ZNRF1: variants seen among roughly 807,000 people sequenced by gnomAD.
ZNRF1 encodes E3 ubiquitin-protein ligase ZNRF1.
A neutral mutation model predicts 18.4 loss-of-function variants in ZNRF1; 3 were observed. That is an observed-to-expected ratio of 0.16 (90% confidence interval 0.07 to 0.42). The LOEUF is 0.42. Ranked by LOEUF, ZNRF1 falls within the 10% of genes least tolerant of loss-of-function variation. The pLI is 0.99. For synonymous variants in ZNRF1, 157 were observed against 144.2 expected (o/e 1.09, Z -0.64); for missense variants, 310 against 329.8 (o/e 0.94, Z 0.47).
At chr16:75,034,094 G>A (rs2035344864) in intron 1 of ZNRF1, among the ~76,000 whole-genome samples, 1 of 152,160 alleles carries the variant, frequency 6.6e-6, no homozygotes, top group African/African-American at 2.4e-5. Context: ...GGAGGCGGAG[G>A]TTGCAGTGAG....
intron 3 of ZNRF1, chr16:75,106,245 C>T (rs2036314616): frequency 5.6e-6 from 3 of 531,356 alleles, no homozygotes; most frequent in Non-Finnish European, 1.0e-5. Context: ...TCCTGCAGCA[C>T]CAGATCCCCC....
At chr16:75,026,895 AC>A (rs1026681725) in intron 1 of ZNRF1, among the ~76,000 whole-genome samples, 7 of 149,520 alleles carry the variant, frequency 4.7e-5, no homozygotes, top group Non-Finnish European at 8.8e-5. Context: ...ACAGAATGAG[AC>A]TGTCTCAAAA....
At chr16:75,010,642 G>A (rs906446636) in intron 1 of ZNRF1, among the ~76,000 whole-genome samples, 3 of 149,510 alleles carry the variant, frequency 2.0e-5, no homozygotes, top group Non-Finnish European at 4.4e-5. Context: ...CCTCTGAAAA[G>A]TAATTAATCC....
chr16:75,032,659 A>T (rs2035321374), intron 1 of ZNRF1, among the ~76,000 whole-genome samples: 1 of 152,208 alleles, frequency 6.6e-6, no homozygotes, highest in Non-Finnish European at 1.5e-5. Context: ...TCTGATAAGG[A>T]ATTAGTATAT....
At chr16:75,073,062 G>C (rs2035889984) in intron 1 of ZNRF1, among the ~76,000 whole-genome samples, 1 of 151,760 alleles carries the variant, frequency 6.6e-6, no homozygotes, top group African/African-American at 2.4e-5. Flanking sequence ...GCCAAGGTGG[G>C]AGGAATGCTT....
intron 1 of ZNRF1, among the ~76,000 whole-genome samples, chr16:75,051,165 G>A (rs145709451): frequency 1.3e-5 from 2 of 151,992 alleles, no homozygotes; most frequent in African/African-American, 4.8e-5. Flanking sequence ...TGCACTGTAC[G>A]GGTGACAGAC....
chr16:75,058,957 A>T (rs1482680839), intron 1 of ZNRF1, among the ~76,000 whole-genome samples: 1 of 152,162 alleles, frequency 6.6e-6, no homozygotes, highest in Admixed American at 6.5e-5. Flanking sequence ...GCTACCCGCC[A>T]GGCTTTTCAT....
intron 1 of ZNRF1, among the ~76,000 whole-genome samples, chr16:75,081,825 C>T (rs1467478650): frequency 6.6e-6 from 1 of 152,206 alleles, no homozygotes; most frequent in African/African-American, 2.4e-5. Context: ...CCTTTTTCAA[C>T]AGATGGTCCA....
chr16:75,050,888 AC>A (rs370690973), intron 1 of ZNRF1, among the ~76,000 whole-genome samples: 74,537 of 98,090 alleles, frequency 0.76, 33,001 homozygotes, highest in South Asian at 0.88. Flanking sequence ...AAAAAAAAAA[AC>A]AAAAAAAAAC....
chr16:75,011,210 C>G (rs1307932466), intron 1 of ZNRF1, among the ~76,000 whole-genome samples: 2 of 152,138 alleles, frequency 1.3e-5, no homozygotes, highest in Admixed American at 6.6e-5. Context: ...TGCTGCCTGC[C>G]TGAGTATTCT....
intron 1 of ZNRF1, among the ~76,000 whole-genome samples, chr16:75,014,683 TG>T: frequency 1.3e-5 from 2 of 152,250 alleles, no homozygotes; most frequent in Middle Eastern, 6.8e-3. Context: ...CATGCGTGCA[TG>T]TGTGTGTATC....
At chr16:75,050,483 G>T (rs1158313021) in intron 1 of ZNRF1, among the ~76,000 whole-genome samples, 1 of 151,936 alleles carries the variant, frequency 6.6e-6, no homozygotes, top group Non-Finnish European at 1.5e-5. Context: ...CTGAGATTGT[G>T]CCACTGCACT....
At chr16:75,036,568 C>CTTT (rs111306434) in intron 1 of ZNRF1, among the ~76,000 whole-genome samples, 3 of 137,322 alleles carry the variant, frequency 2.2e-5, no homozygotes, top group East Asian at 2.1e-4. Context: ...TCATCTGTTT[C>CTTT]TTTTTTTTTT....
At chr16:75,027,619 C>G (rs1420939524) in intron 1 of ZNRF1, among the ~76,000 whole-genome samples, 2 of 152,270 alleles carry the variant, frequency 1.3e-5, no homozygotes, top group East Asian at 3.9e-4. Flanking sequence ...ACTTAAATTC[C>G]ATGGTCAGTC....
At chr16:75,024,359 G>A (rs2035194001) in intron 1 of ZNRF1, among the ~76,000 whole-genome samples, 1 of 152,144 alleles carries the variant, frequency 6.6e-6, no homozygotes, top group South Asian at 2.1e-4. Flanking sequence ...AGTTGAGAAC[G>A]TTTTTTTAAA....
intron 1 of ZNRF1, among the ~76,000 whole-genome samples, chr16:75,063,199 C>T (rs1037891684): frequency 6.6e-6 from 1 of 152,192 alleles, no homozygotes; most frequent in Non-Finnish European, 1.5e-5. Context: ...CACATAGCCC[C>T]GCTTCCCCAG....
intron 1 of ZNRF1, among the ~76,000 whole-genome samples, chr16:75,074,839 A>G (rs1263189066): frequency 6.6e-6 from 1 of 152,168 alleles, no homozygotes; most frequent in East Asian, 1.9e-4. Flanking sequence ...AGGCCTGGGC[A>G]GGAGGATCAC....
chr16:75,013,585 T>C (rs2035028023), intron 1 of ZNRF1, among the ~76,000 whole-genome samples: 1 of 152,162 alleles, frequency 6.6e-6, no homozygotes, highest in Non-Finnish European at 1.5e-5. Flanking sequence ...GACCTCGTGA[T>C]CCACCCGCCT....
intron 1 of ZNRF1, among the ~76,000 whole-genome samples, chr16:75,080,821 C>T (rs1215422059): frequency 6.6e-6 from 1 of 152,062 alleles, no homozygotes; most frequent in African/African-American, 2.4e-5. Context: ...TTGCAATGAG[C>T]CAAGATCCCA....
Sources: gnomAD v4.1 joint callset for allele counts (sites outside exome capture counted in the v4.1 genomes callset) on GRCh38, gnomAD v4.1.1 for gene constraint, MANE v1.5 for transcripts, NCBI Gene and HGNC (gene_info 2026-07-23, HGNC 2026-07-21) for gene names.